The following NVL variants were observed in gnomAD, a reference collection of about 807,000 sequenced individuals.
The protein encoded by NVL is nuclear valosin-containing protein-like.
A neutral mutation model predicts 110.2 loss-of-function variants in NVL; 84 were observed. The ratio of observed to expected loss-of-function variants is 0.76; its 90% CI spans 0.64 to 0.91. The LOEUF is 0.91. NVL is among the 40% of genes least tolerant of loss of function. The probability of loss-of-function intolerance (pLI) is 0.00; values close to 1 mark genes in which losing one functional copy is unlikely to be tolerated. For missense variants in NVL, 882 were observed against 1,035.9 expected, an observed-to-expected ratio of 0.85 and a Z score of 2.04; for synonymous variants, 354 against 361.1, an observed-to-expected ratio of 0.98 and a Z score of 0.22.
intron 19 of NVL, among the ~76,000 whole-genome samples, chr1:224,242,287 CT>C (rs1449710024): frequency 6.6e-6 from 1 of 151,900 alleles, no homozygotes; most frequent in Non-Finnish European, 1.5e-5. Context: ...TTAAAAATGG[CT>C]AAAATGGTAA....
chr1:224,288,916 A>G (rs1243438794), intron 13 of NVL, among the ~76,000 whole-genome samples: 4 of 152,204 alleles, frequency 2.6e-5, no homozygotes, highest in Non-Finnish European at 5.9e-5. Flanking sequence ...TATTATTCAC[A>G]TGACTGTCCT....
At chr1:224,227,813 G>C (rs1659354082) in intron 22 of NVL, 143 bp from the exon 23 acceptor site, 1 of 568,490 alleles carries the variant, frequency 1.8e-6, no homozygotes, top group Non-Finnish European at 3.1e-6. Context: ...CTTTATAGAG[G>C]AGACTGGATT....
chr1:224,260,346 C>T (rs1414106867), intron 18 of NVL, among the ~76,000 whole-genome samples: 1 of 152,052 alleles, frequency 6.6e-6, no homozygotes, highest in Non-Finnish European at 1.5e-5. Flanking sequence ...ACAACCTCCA[C>T]CTCCCGAGTT....
At chr1:224,231,799 G>C (rs879411756) in intron 21 of NVL, among the ~76,000 whole-genome samples, 5 of 151,986 alleles carry the variant, frequency 3.3e-5, no homozygotes, top group Admixed American at 3.3e-4. Flanking sequence ...GGCCGAGGTG[G>C]GCGGATCATG....
chr1:224,265,179 A>C (rs1664373931), intron 18 of NVL, among the ~76,000 whole-genome samples: 1 of 152,144 alleles, frequency 6.6e-6, no homozygotes, highest in African/African-American at 2.4e-5. Context: ...ATTATGATTC[A>C]TCTGCCATTT....
chr1:224,300,541 A>G (rs1668297182), intron 10 of NVL, 21 bp downstream of exon 10: 7 of 1,560,978 alleles, frequency 4.5e-6, no homozygotes, highest in Non-Finnish European at 6.2e-6. Context: ...ACCACCTGGC[A>G]TTAGTCATTA....
intron 16 of NVL, 47 bp downstream of exon 16, chr1:224,281,076 C>G: frequency 6.7e-7 from 1 of 1,494,410 alleles, no homozygotes; most frequent in African/African-American, 1.4e-5. Flanking sequence ...TTTGCATGAC[C>G]ATTACTTTTT....
intron 17 of NVL, among the ~76,000 whole-genome samples, chr1:224,271,912 G>A (rs1481842478): frequency 1.3e-5 from 2 of 152,010 alleles, no homozygotes; most frequent in Non-Finnish European, 2.9e-5. Flanking sequence ...TACTCGGGAG[G>A]CTGAGGCAGG....
chr1:224,283,221 C>T (rs1476088162), intron 15 of NVL, among the ~76,000 whole-genome samples: 2 of 152,204 alleles, frequency 1.3e-5, no homozygotes, highest in African/African-American at 4.8e-5. Flanking sequence ...GGCACGGTGG[C>T]TCATGCCTGT....
intron 18 of NVL, among the ~76,000 whole-genome samples, chr1:224,262,540 G>T (rs1366206881): frequency 6.6e-6 from 1 of 152,054 alleles, no homozygotes; most frequent in East Asian, 1.9e-4. Context: ...GAAAAAAAGG[G>T]CAAACAAAGG....
chr1:224,281,402 G>A (rs538528021), intron 15 of NVL, among the ~76,000 whole-genome samples: 66 of 151,656 alleles, frequency 4.4e-4, no homozygotes, highest in East Asian at 5.9e-4. Context: ...CCGGGTTGAC[G>A]CCATTCTCCT....
At chr1:224,303,975 T>G in intron 8 of NVL, 118 bp from the exon 9 acceptor site, 2 of 1,115,946 alleles carry the variant, frequency 1.8e-6, no homozygotes, top group Non-Finnish European at 2.4e-6. Context: ...ACCTTAGACT[T>G]AGATCAGACT....
In NVL at chr1:224,250,249, G is replaced by C; in HGVS notation, c.2252C>G (p.Pro751Arg). ...DKTLFVGLPP[P>R]ADRLAILKTI... is the part of the protein sequence containing the mutation. ...TTTTAAGATGGCAAGGCGATCTGCAGGGGGCGGTAAACCCACAAACAGTGT... is the reference window on the plus strand; with the variant it reads ...TTTTAAGATGGCAAGGCGATCTGCACGGGGCGGTAAACCCACAAACAGTGT... The change falls in exon 19 of 23, where the codon CCT becomes CGT. Residue 751 changes from proline to arginine, a missense_variant. Coordinates refer to ENST00000281701, the MANE Select transcript of NVL (RefSeq NM_002533.4). 1 of 1,610,446 alleles carries C rather than the reference G, an allele frequency of 6.2e-7. No individual in the cohort carries two copies. The highest frequency in any genetic ancestry group is 1.1e-5 in the South Asian group (1 of 90,500).
intron 16 of NVL, among the ~76,000 whole-genome samples, chr1:224,278,226 C>CTTTTTTTT (rs931102981): frequency 2.7e-5 from 3 of 111,132 alleles, no homozygotes; most frequent in African/African-American, 3.7e-5. Context: ...ATCATCTAAT[C>CTTTTTTTT]TTTTTTTTTT....
At chr1:224,276,476 T>C (rs1665769542) in intron 16 of NVL, among the ~76,000 whole-genome samples, 1 of 152,064 alleles carries the variant, frequency 6.6e-6, no homozygotes, top group Non-Finnish European at 1.5e-5. Context: ...TGAACTCAAA[T>C]ATCCACCTGA....
intron 17 of NVL, among the ~76,000 whole-genome samples, chr1:224,273,185 G>A (rs891865209): frequency 2.0e-5 from 3 of 152,136 alleles, no homozygotes; most frequent in African/African-American, 7.2e-5. Flanking sequence ...GGCCGAGGAT[G>A]GTGGATCACT....
At chr1:224,318,172 T>C (rs1158217163) in intron 2 of NVL, among the ~76,000 whole-genome samples, 1 of 152,218 alleles carries the variant, frequency 6.6e-6, no homozygotes, top group African/African-American at 2.4e-5. Context: ...AATTTCAAAG[T>C]TACTAAAAAT....
chr1:224,227,711 C>A, intron 22 of NVL, 41 bp from the exon 23 acceptor site: 1 of 1,591,408 alleles, frequency 6.3e-7, no homozygotes, highest in East Asian at 2.3e-5. Flanking sequence ...ACCGTCACTG[C>A]TTGTTTTGGG....
intron 18 of NVL, among the ~76,000 whole-genome samples, chr1:224,255,957 G>A (rs990609919): frequency 1.3e-5 from 2 of 152,114 alleles, no homozygotes; most frequent in Non-Finnish European, 2.9e-5. Context: ...AGTTGCTCCA[G>A]TACCATTGTT....
Sources: allele counts gnomAD v4.1 joint callset (sites outside exome capture counted in the v4.1 genomes callset), GRCh38; gene constraint gnomAD v4.1.1; transcripts MANE v1.5; gene names NCBI Gene and HGNC (gene_info 2026-07-23, HGNC 2026-07-21).